PALLD: variants seen among roughly 807,000 people sequenced by gnomAD.
PALLD encodes palladin, cytoskeletal associated protein, also known as palladin.
In PALLD, 61 loss-of-function variants were observed where a neutral mutation model predicts 123.5. The ratio of observed to expected loss-of-function variants is 0.49; its 90% CI spans 0.40 to 0.61. The LOEUF (loss-of-function observed/expected upper bound fraction) is 0.61, where lower values mean the gene tolerates loss of function less well. Ranked by LOEUF, PALLD falls within the 20% of genes least tolerant of loss-of-function variation. PALLD has a pLI of 0.00. For synonymous variants in PALLD, 465 were observed against 496.4 expected, an observed-to-expected ratio of 0.94 and a Z score of 0.84; for missense variants, 1,273 against 1,377.0, an observed-to-expected ratio of 0.92 and a Z score of 1.20.
At chr4:168,633,869 C>G (rs1776076582) in intron 2 of PALLD, among the ~76,000 whole-genome samples, 2 of 152,170 alleles carry the variant, frequency 1.3e-5, no homozygotes, top group African/African-American at 4.8e-5. Flanking sequence ...CTTTGTTTCT[C>G]TGAGGTGCCT....
chr4:168,693,040 TC>T (rs1699426153), intron 8 of PALLD, among the ~76,000 whole-genome samples: 1 of 152,132 alleles, frequency 6.6e-6, no homozygotes, highest in Non-Finnish European at 1.5e-5. Flanking sequence ...AGGAAACATC[TC>T]CCCCGCACCC....
intron 2 of PALLD, among the ~76,000 whole-genome samples, chr4:168,637,261 T>G (rs982035490): frequency 1.3e-5 from 2 of 152,110 alleles, no homozygotes; most frequent in Middle Eastern, 3.4e-3. Context: ...AGACGGTGCC[T>G]AGGAGCCCCA....
chr4:168,749,838 A>G (rs867019708), intron 10 of PALLD, among the ~76,000 whole-genome samples: 1 of 152,140 alleles, frequency 6.6e-6, no homozygotes. Context: ...TAGTAAGCAT[A>G]GTACCCCAAT....
intron 2 of PALLD, among the ~76,000 whole-genome samples, chr4:168,625,502 G>GATATATATATATATAT (rs756984622): frequency 1.3e-4 from 15 of 114,398 alleles, no homozygotes; most frequent in African/African-American, 5.0e-4. Context: ...ATATCCAGGA[G>GATATATATATATATAT]ATATATATAT....
At chr4:168,497,521 G>A (rs77217354) in intron 1 of PALLD, among the ~76,000 whole-genome samples, 11,578 of 152,132 alleles carry the variant, frequency 0.076, 615 homozygotes, top group Non-Finnish European at 0.11. Context: ...TGTCAAGATC[G>A]TGTATGTGTT....
chr4:168,907,071 C>G (rs548122434), intron 15 of PALLD, among the ~76,000 whole-genome samples: 2 of 152,126 alleles, frequency 1.3e-5, no homozygotes, highest in Admixed American at 1.3e-4. Context: ...GTGACCTTAG[C>G]AAGTCACTTA....
chr4:168,919,401 T>C (rs1760951708), intron 17 of PALLD, among the ~76,000 whole-genome samples: 1 of 152,002 alleles, frequency 6.6e-6, no homozygotes, highest in South Asian at 2.1e-4. Context: ...GGCAGGCGCC[T>C]GTAATCCCAG....
intron 10 of PALLD, among the ~76,000 whole-genome samples, chr4:168,754,587 G>A (rs1225584857): frequency 6.6e-6 from 1 of 152,112 alleles, no homozygotes; most frequent in Non-Finnish European, 1.5e-5. Context: ...GTGATGATTT[G>A]TATATGGGAA....
At chr4:168,850,793 A>G (rs1747665626) in intron 10 of PALLD, among the ~76,000 whole-genome samples, 2 of 151,832 alleles carry the variant, frequency 1.3e-5, no homozygotes, top group South Asian at 2.1e-4. Context: ...CGGCCTCCCA[A>G]AATGCTGGAA....
In PALLD at chr4:168,701,589, C is replaced by A. The variant is rs576066642; in HGVS notation, c.1502-7439C>A. ...TCGATCTAAAACCACTTTATATTAT[C>A]CCTACTGAATAAAATTGTATCCTGT... On this transcript the variant is annotated intron_variant, in intron 8 of 21. Transcript: ENST00000505667. Among the ~76,000 whole-genome samples, 353 of 152,304 alleles carry A rather than the reference C, an allele frequency of 2.3e-3. 1 individual carries two copies. The highest frequency in any genetic ancestry group is 0.014 in the Middle Eastern group (4 of 294).
chr4:168,764,409 T>A lies in PALLD; in HGVS notation c.1964+52486T>A, dbSNP rs530108991. Among the ~76,000 whole-genome samples the A allele has an allele frequency of 7.2e-5, 11 of 152,256 alleles. No individual in the cohort carries two copies. The South Asian group carries it at 2.1e-3, about 29-fold the overall frequency. On this transcript the variant is annotated intron_variant, in intron 10 of 21. Coordinates refer to ENST00000505667, the MANE Select transcript of PALLD (RefSeq NM_001166108.2). ...CCCTATGTTGGCCCCTAGGAACATTTAAAAAAATTTTTTTAGAAACAGGAT... is the reference window on the plus strand; with the variant it reads ...CCCTATGTTGGCCCCTAGGAACATTAAAAAAAATTTTTTTAGAAACAGGAT...
intron 10 of PALLD, among the ~76,000 whole-genome samples, chr4:168,821,104 A>T (rs1742651040): frequency 6.6e-6 from 1 of 152,220 alleles, no homozygotes; most frequent in Non-Finnish European, 1.5e-5. Flanking sequence ...ATATGCCCAG[A>T]GTAATCTACT....
chr4:168,528,031 C>T (rs1279405869), intron 2 of PALLD, among the ~76,000 whole-genome samples: 1 of 152,154 alleles, frequency 6.6e-6, no homozygotes, highest in African/African-American at 2.4e-5. Flanking sequence ...TCCCTTATCC[C>T]TGGGTTTCCT....
intron 17 of PALLD, among the ~76,000 whole-genome samples, chr4:168,917,334 C>G (rs371221809): frequency 3.3e-5 from 5 of 152,284 alleles, no homozygotes; most frequent in African/African-American, 7.2e-5. Context: ...AGGCATGAGC[C>G]ACCACACCCG....
At chr4:168,607,929 T>C (rs1053898102) in intron 2 of PALLD, among the ~76,000 whole-genome samples, 2 of 152,240 alleles carry the variant, frequency 1.3e-5, no homozygotes, top group Admixed American at 6.5e-5. Flanking sequence ...TTCTGCCCTC[T>C]GCCTCCCTGT....
intron 2 of PALLD, among the ~76,000 whole-genome samples, chr4:168,520,321 C>T (rs1434446028): frequency 2.8e-5 from 3 of 108,872 alleles, no homozygotes; most frequent in Admixed American, 2.2e-4. Context: ...GCGAAGATTC[C>T]GTCACCAAAA....
At chr4:168,760,525 G>C (rs115574327) in intron 10 of PALLD, among the ~76,000 whole-genome samples, 1 of 152,068 alleles carries the variant, frequency 6.6e-6, no homozygotes, top group Non-Finnish European at 1.5e-5. Context: ...GAGTAGGGGC[G>C]TACCGGGTGC....
intron 2 of PALLD, among the ~76,000 whole-genome samples, chr4:168,592,572 G>T (rs552879649): frequency 6.6e-6 from 1 of 152,136 alleles, no homozygotes; most frequent in Non-Finnish European, 1.5e-5. Context: ...AGAATAAAAT[G>T]ATCTGTTCCT....
intron 2 of PALLD, among the ~76,000 whole-genome samples, chr4:168,574,855 G>A (rs952605642): frequency 2.0e-5 from 3 of 152,096 alleles, no homozygotes; most frequent in African/African-American, 7.2e-5. Context: ...ACAAAAGCTA[G>A]AGTAAGAGAT....
Sources: allele counts gnomAD v4.1 joint callset (sites outside exome capture counted in the v4.1 genomes callset), GRCh38; gene constraint gnomAD v4.1.1; transcripts MANE v1.5; gene names NCBI Gene and HGNC (gene_info 2026-07-23, HGNC 2026-07-21).